DST: variants seen among roughly 807,000 people sequenced by gnomAD.
DST encodes the protein dystonin.
In DST, 253 loss-of-function variants were observed where a neutral mutation model predicts 875.2. The observed-to-expected ratio is 0.29, with a 90% CI of 0.26 to 0.32. The LOEUF is 0.32. DST is among the 10% of genes least tolerant of loss of function. The pLI, the probability that DST is intolerant of heterozygous loss-of-function variation, is 1.00. For missense variants in DST, 8,287 were observed against 9,111.6 expected, an observed-to-expected ratio of 0.91 and a Z score of 3.68; for synonymous variants, 3,124 against 3,197.1, an observed-to-expected ratio of 0.98 and a Z score of 0.77.
chr6:56,792,246 G>A (rs2099726920), intron 4 of DST, among the ~76,000 whole-genome samples: 1 of 151,922 alleles, frequency 6.6e-6, no homozygotes, highest in Non-Finnish European at 1.5e-5. Flanking sequence ...CTTCTTTGTG[G>A]AAGAAAGCCA....
In DST at chr6:56,468,158, GTAAAA is replaced by G. The variant is rs67981939; in HGVS notation, c.22569+819_22569+823del. ...TATAGATAGCATGGTTCTTTCCAAA[GTAAAA>G]TAAAATAAAATAAAATAAAAGCTTC... On this transcript the variant is annotated intron_variant, in intron 98 of 103. Transcript: ENST00000680361. Among the ~76,000 whole-genome samples the G allele has an allele frequency of 9.6e-5, 7 of 72,758 alleles. No homozygotes were observed. In the East Asian group the frequency reaches 1.0e-3, roughly 10 times the overall value. The allele number at this position is 72,758 out of a possible 152,430, so 47.7% of individuals were successfully genotyped here.
rs115561513 is a variant in DST, at chr6:56,715,825, C to A, written c.688-11456G>T. Among the ~76,000 whole-genome samples, 1,497 of 152,250 alleles carry A rather than the reference C, an allele frequency of 9.8e-3. 23 individuals carry two copies. Among genetic ancestry groups the A allele is most frequent in the African/African-American group, 0.034 (1,403 of 41,538 alleles). ...GCTCAGAGGAACTTTGTACCCAGGC[C>A]ATTGTTCTTTAAGCTCATTCATTTC... On this transcript the variant is annotated intron_variant, in intron 5 of 103. Transcript: ENST00000680361.
chr6:56,735,012 C>T (rs1166920433), intron 5 of DST: 1 of 462,322 alleles, frequency 2.2e-6, no homozygotes, highest in East Asian at 4.0e-5. Flanking sequence ...ACAGAATGCA[C>T]TGAAATCACT....
Position 56,489,627 on chromosome 6 carries a change from C to A in DST, c.20758-18G>T. 6.2e-7 allele frequency: 1 copy of A among 1,601,600 alleles called. No homozygotes were observed. The highest frequency in any genetic ancestry group is 8.5e-7 in the Non-Finnish European group (1 of 1,174,846). On this transcript the variant is annotated intron_variant, in intron 85 of 103. Transcript: ENST00000680361. ...TCATGGAACTAGAAAGAAATTCACA[C>A]CTTTGTCTGAAAATTTTTCAAGCAT...
intron 61 of DST, among the ~76,000 whole-genome samples, chr6:56,547,796 A>G (rs2097255017): frequency 6.6e-6 from 1 of 152,230 alleles, no homozygotes; most frequent in Non-Finnish European, 1.5e-5. Flanking sequence ...TATTAAAATA[A>G]TGATGCCTGG....
intron 4 of DST, among the ~76,000 whole-genome samples, chr6:56,759,725 C>T (rs149753956): frequency 6.6e-6 from 1 of 152,226 alleles, no homozygotes; most frequent in East Asian, 1.9e-4. Flanking sequence ...GCTGACACAG[C>T]CAAGGAACTG....
chr6:56,711,819 C>T (rs1364113928), intron 5 of DST, among the ~76,000 whole-genome samples: 1 of 151,826 alleles, frequency 6.6e-6, no homozygotes, highest in Admixed American at 6.6e-5. Context: ...TGGCCGGGCG[C>T]GGTGGCTCAC....
Position 56,634,119 on chromosome 6 carries a change from G to C in DST, c.3621+13C>G. 1 of 1,612,638 alleles carries C rather than the reference G, an allele frequency of 6.2e-7. No individual in the cohort carries two copies. The highest frequency in any genetic ancestry group is 8.5e-7 in the Non-Finnish European group (1 of 1,179,960). On this transcript the variant is annotated intron_variant, in intron 27 of 103. Coordinates refer to ENST00000680361, the MANE Select transcript of DST (RefSeq NM_001374736.1). ...TTTGGACATATCGAGTTGACATACA[G>C]ATTCATACTTACTGAAGCCACATTG...
chr6:56,699,454 A>G (rs1190376395), intron 9 of DST, among the ~76,000 whole-genome samples, 199 bp downstream of exon 9: 1 of 152,238 alleles, frequency 6.6e-6, no homozygotes, highest in African/African-American at 2.4e-5. Context: ...AACTACATTT[A>G]AGTTTATCAA....
intron 10 of DST, among the ~76,000 whole-genome samples, chr6:56,652,926 C>T (rs769699784): frequency 4.6e-5 from 7 of 152,170 alleles, no homozygotes; most frequent in Non-Finnish European, 1.0e-4. Context: ...AATCTGCCAA[C>T]CTCAAGATTA....
At chr6:56,598,065 A>T in intron 46 of DST, 59 bp from the exon 47 acceptor site, 1 of 1,448,676 alleles carries the variant, frequency 6.9e-7, no homozygotes, top group Non-Finnish European at 9.2e-7. Context: ...TAGTTTTAAG[A>T]CATTCCAAAA....
rs140301656 is a variant in DST, at chr6:56,823,091, C to T, written c.625+28306G>A. On this transcript the variant is annotated intron_variant, in intron 4 of 103. Coordinates refer to ENST00000680361, the MANE Select transcript of DST (RefSeq NM_001374736.1). ...CAAGTGATCCACCTGCCTCGACCTC[C>T]CAAAGTGCTGGGATTACAGGTGGTG... Among the ~76,000 whole-genome samples, 1,015 of 152,200 alleles carry T rather than the reference C, an allele frequency of 6.7e-3. 9 individuals carry two copies. The highest frequency in any genetic ancestry group is 0.024 in the African/African-American group (981 of 41,504).
chr6:56,910,123 C>A (rs1474643583), intron 2 of DST, among the ~76,000 whole-genome samples: 1 of 152,174 alleles, frequency 6.6e-6, no homozygotes, highest in Non-Finnish European at 1.5e-5. Context: ...ATGATGACAA[C>A]AAAGAGTCTG....
chr6:56,728,973 TACACACACAC>T (rs35066414), intron 5 of DST, among the ~76,000 whole-genome samples: 1,754 of 132,086 alleles, frequency 0.013, 31 homozygotes, highest in African/African-American at 0.043. Flanking sequence ...ATAAAAAAAG[TACACACACAC>T]ACACACACAC....
intron 69 of DST, among the ~76,000 whole-genome samples, 175 bp downstream of exon 69, chr6:56,526,186 C>A (rs2096793680): frequency 6.6e-6 from 1 of 152,198 alleles, no homozygotes; most frequent in African/African-American, 2.4e-5. Context: ...ATTAGCCTTG[C>A]CCTGGTGCTC....
chr6:56,688,118 A>T (rs1331823693), intron 9 of DST, among the ~76,000 whole-genome samples: 1 of 152,224 alleles, frequency 6.6e-6, no homozygotes, highest in East Asian at 1.9e-4. Flanking sequence ...CAATTATTCT[A>T]AAACTATATT....
At chr6:56,721,215 A>G (rs34463732) in intron 5 of DST, among the ~76,000 whole-genome samples, 7,284 of 97,006 alleles carry the variant, frequency 0.075, 435 homozygotes, top group African/African-American at 0.27. Context: ...CAGATGGGGC[A>G]GCTGCCAGGC....
Position 56,603,292 on chromosome 6 carries a change from G to A in DST, c.11070C>T (p.His3690=). ...AAGAGAAGGCGGTCTTCAAACTCTG[G>A]TGGCTAATACTCAATTCTTCAACAT... ...RGHVEELSIS[H]QSLKTAFSSL... Residue 3690 remains histidine (H), a synonymous_variant, in exon 42 of 104, where the codon CAC becomes CAT. Coordinates refer to ENST00000680361, the MANE Select transcript of DST (RefSeq NM_001374736.1). The A allele has an allele frequency of 6.2e-7, 1 of 1,610,730 alleles. No individual in the cohort carries two copies. The highest frequency in any genetic ancestry group is 1.1e-5 in the South Asian group (1 of 90,838).
At chr6:56,796,752 T>C (rs1006401296) in intron 4 of DST, among the ~76,000 whole-genome samples, 1 of 151,752 alleles carries the variant, frequency 6.6e-6, no homozygotes, top group African/African-American at 2.4e-5. Context: ...TATTGTTATA[T>C]ACTGTAGTAA....
Sources: allele counts gnomAD v4.1 joint callset (sites outside exome capture counted in the v4.1 genomes callset), GRCh38; gene constraint gnomAD v4.1.1; transcripts MANE v1.5; gene names NCBI Gene and HGNC (gene_info 2026-07-23, HGNC 2026-07-21).